The following CASP5 variants were observed in gnomAD, a reference collection of about 807,000 sequenced individuals.
CASP5 encodes caspase-5.
Under a neutral mutation model 45.2 loss-of-function variants are expected in CASP5, and 42 were observed. The ratio of observed to expected loss-of-function variants is 0.93; its 90% confidence interval spans 0.73 to 1.20. The LOEUF (loss-of-function observed/expected upper bound fraction) is 1.20. CASP5 is among the 50% of genes most tolerant of loss of function. The pLI is 0.00. For missense variants in CASP5, 512 were observed against 532.2 expected, an observed-to-expected ratio of 0.96 and a Z score of 0.37; for synonymous variants, 209 against 186.2, an observed-to-expected ratio of 1.12 and a Z score of -1.00.
Position 104,995,733 on chromosome 11 carries a change from T to C in CASP5, c.*4+7A>G, listed in dbSNP as rs768738083. ...TATTTCACCCTCCAACAACTCTCAA[T>C]ACTTACATTTTCAATTGCCAGGAAA... On this transcript the variant is annotated splice_region_variant and intron_variant, in intron 9 of 9. Coordinates refer to ENST00000260315, the MANE Select transcript of CASP5 (RefSeq NM_004347.5). 33 of 1,577,008 alleles carry C rather than the reference T, an allele frequency of 2.1e-5. No homozygotes were observed. In the South Asian group the frequency reaches 3.2e-4, roughly 15 times the overall value.
At chr11:105,017,733 CA>C (rs1438930638) in intron 1 of CASP5, among the ~76,000 whole-genome samples, 1 of 151,842 alleles carries the variant, frequency 6.6e-6, no homozygotes, top group Non-Finnish European at 1.5e-5. Context: ...AAACACTCTG[CA>C]GGATATTATC....
intron 1 of CASP5, 53 bp from the exon 2 acceptor site, chr11:105,009,033 G>T: frequency 1.3e-6 from 2 of 1,568,986 alleles, no homozygotes; most frequent in Non-Finnish European, 1.7e-6. Context: ...AAAGAGTTTT[G>T]CCCTTGCTTT....
At position 105,003,125 on chromosome 11, in the gene CASP5, A is replaced by G. The variant is rs376989335; in HGVS notation, c.543+149T>C. 35 of 598,112 alleles carry G rather than the reference A, an allele frequency of 5.9e-5. 1 individual carries two copies. The highest frequency in any genetic ancestry group is 3.5e-4 in the East Asian group (11 of 31,096). The allele number at this position is 598,112 out of a possible 1,614,324, so 37.1% of individuals were successfully genotyped here. A position where few individuals can be genotyped will look rare whatever the true frequency, so the allele number is the denominator to read the frequency against. On this transcript the variant is annotated intron_variant, in intron 4 of 9. Coordinates refer to ENST00000260315, the MANE Select transcript of CASP5 (RefSeq NM_004347.5). The stretch of plus-strand genomic sequence containing the variant: ...TGAGGCTGGAGAATCTCTTGAGCCC[A>G]TGTGTTCAAGATAGCAGTCAGCTAT...
At chr11:105,004,634 T>A (rs1475588922) in intron 3 of CASP5, among the ~76,000 whole-genome samples, 1 of 152,142 alleles carries the variant, frequency 6.6e-6, no homozygotes, top group Non-Finnish European at 1.5e-5. Context: ...AAATATTTCA[T>A]GTATTTTTTA....
chr11:105,000,604 T>C, intron 5 of CASP5, 109 bp from the exon 6 acceptor site: 1 of 977,812 alleles, frequency 1.0e-6, no homozygotes, highest in Non-Finnish European at 1.5e-6. Context: ...CGGGTCGTGG[T>C]GCTTCACATA....
chr11:104,995,819 T>A lies in CASP5; in HGVS notation c.1230A>T (p.Pro410=). ...TGGTGGGCATCTGGGCTTTAGCCTG[T>A]GGAACTTCAAATGATTTCTGTACCT... ...FRKVQKSFEV[P]QAKAQMPTIE... is the part of the protein sequence containing the mutation. Residue 410 remains proline, a synonymous_variant, in exon 9 of 10, where the codon CCA becomes CCT. Transcript: ENST00000260315. The A allele has an allele frequency of 6.2e-7, 1 of 1,611,936 alleles. No individual in the cohort carries two copies. Among genetic ancestry groups the A allele is most frequent in the Middle Eastern group, 1.7e-4 (1 of 6,058 alleles).
intron 8 of CASP5, among the ~76,000 whole-genome samples, chr11:104,996,644 G>T (rs115981336): frequency 0.015 from 2,314 of 152,140 alleles, 59 homozygotes; most frequent in African/African-American, 0.052. Context: ...TATATTAATT[G>T]AATGTCTGCT....
intron 1 of CASP5, among the ~76,000 whole-genome samples, chr11:105,015,145 A>G (rs1862525637): frequency 6.6e-6 from 1 of 152,236 alleles, no homozygotes; most frequent in Non-Finnish European, 1.5e-5. Context: ...GAAAATTGAC[A>G]GAACATTAGA....
At chr11:105,002,610 A>G (rs779331079) in intron 4 of CASP5, among the ~76,000 whole-genome samples, 4 of 152,234 alleles carry the variant, frequency 2.6e-5, no homozygotes, top group Non-Finnish European at 4.4e-5. Context: ...AATGATTTTC[A>G]AGATTTAATT....
At chr11:105,010,879 T>A (rs567839879) in intron 1 of CASP5, among the ~76,000 whole-genome samples, 4 of 151,814 alleles carry the variant, frequency 2.6e-5, no homozygotes, top group South Asian at 4.1e-4. Context: ...AGAAATTGAG[T>A]GTAATCCTGT....
intron 1 of CASP5, among the ~76,000 whole-genome samples, chr11:105,009,704 GATATATATATACACACATATATATAT>G (rs1421654033): frequency 5.1e-5 from 5 of 98,462 alleles, no homozygotes; most frequent in African/African-American, 1.5e-4. Context: ...TTTACCAGGA[GATATATATATACACACATATATATAT>G]ATATATATAT....
intron 4 of CASP5, among the ~76,000 whole-genome samples, chr11:105,002,581 T>A (rs1036064941): frequency 2.6e-5 from 4 of 152,214 alleles, no homozygotes; most frequent in Non-Finnish European, 5.9e-5. Context: ...TTGGTACTAT[T>A]TTAAAAACAT....
intron 8 of CASP5, among the ~76,000 whole-genome samples, chr11:104,996,451 A>G (rs1446072511): frequency 6.6e-6 from 1 of 152,170 alleles, no homozygotes; most frequent in East Asian, 1.9e-4. Flanking sequence ...CCCCATCTCA[A>G]TTTATGGTAC....
chr11:105,009,890 C>T (rs867921758), intron 1 of CASP5, among the ~76,000 whole-genome samples: 2,182 of 135,944 alleles, frequency 0.016, 85 homozygotes, highest in African/African-American at 0.058. Context: ...TATATATACA[C>T]ATATATACAT....
chr11:104,996,159 G>T (rs536648012), intron 8 of CASP5, among the ~76,000 whole-genome samples: 1 of 152,258 alleles, frequency 6.6e-6, no homozygotes, highest in African/African-American at 2.4e-5. Context: ...ATGAGAACTG[G>T]ATATGGAAGA....
At chr11:104,997,946 T>C (rs1056434262) in intron 7 of CASP5, among the ~76,000 whole-genome samples, 4 of 152,242 alleles carry the variant, frequency 2.6e-5, no homozygotes, top group African/African-American at 9.6e-5. Flanking sequence ...ATAAACAAAA[T>C]AGATGAACAC....
intron 1 of CASP5, 68 bp from the exon 2 acceptor site, chr11:105,009,048 A>C: frequency 7.1e-7 from 1 of 1,411,474 alleles, no homozygotes; most frequent in Non-Finnish European, 9.9e-7. Context: ...TGCTTTAGAC[A>C]AAGCTCTGTA....
In CASP5 at chr11:105,008,841, T is replaced by C; in HGVS notation, c.147A>G (p.Val49=). 1 of 1,613,034 alleles carries C rather than the reference T, an allele frequency of 6.2e-7. No individual in the cohort carries two copies. Among genetic ancestry groups the C allele is most frequent in the East Asian group, 2.2e-5 (1 of 44,848 alleles). The change falls in exon 2 of 10, where the codon GTA becomes GTG. Residue 49 remains valine (V), a synonymous_variant. Transcript: ENST00000260315. ...TGGTCGACTTTTGATCCGTATTAGG[T>C]ACTAGGGTCTGGATAGATGTTTGTC... The part of the protein sequence containing the change: ...VAGQTSIQTL[V]PNTDQKSTSV...
intron 1 of CASP5, among the ~76,000 whole-genome samples, chr11:105,009,343 G>C (rs998262942): frequency 6.6e-6 from 1 of 151,746 alleles, no homozygotes; most frequent in Non-Finnish European, 1.5e-5. Context: ...CCATTCTCTT[G>C]TCTAGACTGT....
Sources: gnomAD v4.1 joint callset for allele counts (sites outside exome capture counted in the v4.1 genomes callset) on GRCh38, gnomAD v4.1.1 for gene constraint, MANE v1.5 for transcripts, NCBI Gene and HGNC (gene_info 2026-07-23, HGNC 2026-07-21) for gene names.